Variants in ADK observed in about 807,000 individuals in gnomAD.
ADK encodes the protein N6,N6-dimethyladenosine kinase.
A neutral mutation model predicts 44.7 loss-of-function variants in ADK; 24 were observed. The observed-to-expected ratio is 0.54, with a 90% CI of 0.39 to 0.76. ADK has a LOEUF of 0.76. Among genes scored for constraint, ADK ranks in the 30% least tolerant of loss-of-function variants. ADK has a pLI of 0.00. For missense variants in ADK, 321 were observed against 425.1 expected (o/e 0.76, Z 2.15); for synonymous variants, 128 against 142.6 (o/e 0.90, Z 0.73).
intron 10 of ADK, among the ~76,000 whole-genome samples, chr10:74,703,753 GC>G (rs1856511081): frequency 6.6e-6 from 1 of 152,172 alleles, no homozygotes; most frequent in Non-Finnish European, 1.5e-5. Flanking sequence ...CCACACTGTA[GC>G]TATGTAAGAG....
At chr10:74,390,650 C>T (rs117399330) in intron 4 of ADK, among the ~76,000 whole-genome samples, 2,066 of 152,178 alleles carry the variant, frequency 0.014, 101 homozygotes, top group Admixed American at 0.093. Context: ...CTGGTAGTGT[C>T]CTTGATAGCT....
At chr10:74,441,531 A>T (rs1250430527) in intron 6 of ADK, among the ~76,000 whole-genome samples, 1 of 152,206 alleles carries the variant, frequency 6.6e-6, no homozygotes, top group Non-Finnish European at 1.5e-5. Flanking sequence ...ATAAAATTAG[A>T]TTGTTATTTT....
At chr10:74,207,245 C>A (rs1460860986) in intron 2 of ADK, among the ~76,000 whole-genome samples, 1 of 152,180 alleles carries the variant, frequency 6.6e-6, no homozygotes, top group African/African-American at 2.4e-5. Context: ...CACCAGAAAC[C>A]ACAGAGCCCC....
At chr10:74,206,957 G>A (rs1000226156) in intron 2 of ADK, among the ~76,000 whole-genome samples, 5 of 152,212 alleles carry the variant, frequency 3.3e-5, no homozygotes, top group East Asian at 1.9e-4. Flanking sequence ...GGCAGGCTGC[G>A]TTCGGCTCAT....
At chr10:74,545,729 C>G (rs1291002082) in intron 7 of ADK, among the ~76,000 whole-genome samples, 3 of 152,096 alleles carry the variant, frequency 2.0e-5, no homozygotes, top group Admixed American at 2.0e-4. Context: ...ACTACTATTC[C>G]TTTTGAGCTG....
intron 2 of ADK, among the ~76,000 whole-genome samples, chr10:74,205,139 T>C (rs1465855980): frequency 6.6e-6 from 1 of 151,766 alleles, no homozygotes; most frequent in South Asian, 2.1e-4. Context: ...CTTCTCATTA[T>C]GGAGAACGAG....
At chr10:74,233,001 G>A (rs904569393) in intron 3 of ADK, among the ~76,000 whole-genome samples, 7 of 152,204 alleles carry the variant, frequency 4.6e-5, no homozygotes, top group Non-Finnish European at 8.8e-5. Context: ...TGTTATTGGT[G>A]GTAAAATCTT....
In ADK at chr10:74,391,650, T is replaced by TAC. The variant is rs1491120125; in HGVS notation, c.274-2490_274-2489insCA. Among the ~76,000 whole-genome samples the TAC allele has an allele frequency of 6.7e-3, 899 of 134,658 alleles. 6 individuals carry two copies. The highest frequency in any genetic ancestry group is 0.016 in the African/African-American group (534 of 32,966). 88.3% of individuals were successfully genotyped at this position (134,658 alleles called of 152,430 possible). On this transcript the variant is annotated intron_variant, in intron 4 of 10. Coordinates refer to ENST00000539909, the MANE Select transcript of ADK (RefSeq NM_006721.4). ...TGAATTCAGGAGTTCGAGGCAAGAA[T>TAC]ATACACACACACACACACACACACA...
At chr10:74,547,492 T>A (rs554028398) in intron 7 of ADK, among the ~76,000 whole-genome samples, 1 of 144,830 alleles carries the variant, frequency 6.9e-6, no homozygotes, top group Admixed American at 6.9e-5. Context: ...TTATTTTTTT[T>A]TTTTTTTGGA....
chr10:74,571,940 G>C (rs1375501703), intron 7 of ADK, among the ~76,000 whole-genome samples: 1 of 152,128 alleles, frequency 6.6e-6, no homozygotes, highest in East Asian at 1.9e-4. Context: ...ACACTGATGG[G>C]TCTTGACTCT....
At chr10:74,668,186 T>C (rs1855035913) in intron 9 of ADK, among the ~76,000 whole-genome samples, 1 of 152,226 alleles carries the variant, frequency 6.6e-6, no homozygotes, top group Non-Finnish European at 1.5e-5. Flanking sequence ...TAGTGTAGCT[T>C]GTACTTGGAA....
intron 3 of ADK, among the ~76,000 whole-genome samples, chr10:74,251,860 C>T (rs1845662507): frequency 6.6e-6 from 1 of 150,752 alleles, no homozygotes; most frequent in African/African-American, 2.4e-5. Context: ...TACTCCACAG[C>T]CATTCATTAC....
At chr10:74,628,673 T>C (rs1395663235) in intron 9 of ADK, among the ~76,000 whole-genome samples, 5 of 152,012 alleles carry the variant, frequency 3.3e-5, no homozygotes, top group African/African-American at 1.2e-4. Context: ...AACCAAGATA[T>C]TGTGTGAGCT....
chr10:74,652,651 T>C (rs1854315281), intron 9 of ADK, among the ~76,000 whole-genome samples: 1 of 151,484 alleles, frequency 6.6e-6, no homozygotes, highest in Admixed American at 6.6e-5. Context: ...TCCAAGCTAC[T>C]TGGGAGGCTG....
intron 6 of ADK, among the ~76,000 whole-genome samples, chr10:74,490,897 A>G (rs1303589218): frequency 6.6e-6 from 1 of 152,054 alleles, no homozygotes; most frequent in Admixed American, 6.6e-5. Context: ...ATGTTTAGGT[A>G]CCACGTGTTA....
intron 5 of ADK, among the ~76,000 whole-genome samples, chr10:74,395,740 T>C (rs781216701): frequency 2.6e-5 from 4 of 152,156 alleles, no homozygotes; most frequent in Admixed American, 6.5e-5. Flanking sequence ...CAGTTATGGT[T>C]GGGTGCAGTG....
chr10:74,284,112 C>G (rs931852235), intron 3 of ADK, among the ~76,000 whole-genome samples: 3 of 152,170 alleles, frequency 2.0e-5, no homozygotes, highest in Admixed American at 6.5e-5. Flanking sequence ...GCGTGTGCCA[C>G]CATGCCCGGC....
intron 7 of ADK, among the ~76,000 whole-genome samples, chr10:74,539,019 G>T (rs1013211945): frequency 2.0e-5 from 3 of 151,808 alleles, no homozygotes; most frequent in Non-Finnish European, 4.4e-5. Context: ...TTCTTCTTTT[G>T]GTTAAGAGCC....
At chr10:74,249,778 T>A (rs1315157649) in intron 3 of ADK, among the ~76,000 whole-genome samples, 4 of 152,226 alleles carry the variant, frequency 2.6e-5, no homozygotes, top group African/African-American at 9.6e-5. Flanking sequence ...TTTCCCGTTA[T>A]CCTGTCATAC....
Sources: gnomAD v4.1 joint callset for allele counts (sites outside exome capture counted in the v4.1 genomes callset) on GRCh38, gnomAD v4.1.1 for gene constraint, MANE v1.5 for transcripts, NCBI Gene and HGNC (gene_info 2026-07-23, HGNC 2026-07-21) for gene names.